The following RAB28 variants were observed in gnomAD, a reference collection of about 807,000 sequenced individuals.
RAB28 encodes RAB28, member RAS oncogene family.
Under a neutral mutation model 31.7 loss-of-function variants are expected in RAB28, and 24 were observed. The ratio of observed to expected loss-of-function variants is 0.76; its 90% CI spans 0.55 to 1.06. The LOEUF is 1.06. Ranked by LOEUF, RAB28 falls within the 50% of genes least tolerant of loss-of-function variation. The pLI is 0.00. For missense variants in RAB28, 254 were observed against 258.5 expected (o/e 0.98, Z 0.12); for synonymous variants, 100 against 90.4 (o/e 1.11, Z -0.60).
At chr4:13,405,763 A>C (rs1020704886) in intron 4 of RAB28, among the ~76,000 whole-genome samples, 3 of 152,198 alleles carry the variant, frequency 2.0e-5, no homozygotes, top group African/African-American at 4.8e-5. Context: ...TAAACATTAT[A>C]GCTTTTCATG....
intron 4 of RAB28, among the ~76,000 whole-genome samples, chr4:13,453,272 A>G (rs1080003): frequency 0.056 from 8,509 of 152,186 alleles, 539 homozygotes; most frequent in African/African-American, 0.16. Flanking sequence ...TAAATTCAAA[A>G]TTATTATTGA....
At chr4:13,414,249 C>T (rs1481130811) in intron 4 of RAB28, among the ~76,000 whole-genome samples, 3 of 152,154 alleles carry the variant, frequency 2.0e-5, no homozygotes, top group African/African-American at 7.2e-5. Context: ...ATGTTATTGA[C>T]ACATACTACC....
intron 1 of RAB28, among the ~76,000 whole-genome samples, chr4:13,483,416 G>T (rs1304501089): frequency 1.3e-5 from 2 of 152,206 alleles, no homozygotes; most frequent in Non-Finnish European, 2.9e-5. Flanking sequence ...TGCTGAGCTG[G>T]AAACAGAGGT....
chr4:13,427,699 G>A (rs1048270217), intron 4 of RAB28, among the ~76,000 whole-genome samples: 2 of 152,114 alleles, frequency 1.3e-5, no homozygotes, highest in East Asian at 3.9e-4. Flanking sequence ...ATAAGAACCA[G>A]GAAGCTGCAA....
At chr4:13,438,998 G>T (rs762505311) in intron 4 of RAB28, among the ~76,000 whole-genome samples, 2 of 151,992 alleles carry the variant, frequency 1.3e-5, no homozygotes, top group Non-Finnish European at 2.9e-5. Context: ...TTGTCTTATT[G>T]TGGTTTTCAC....
intron 4 of RAB28, among the ~76,000 whole-genome samples, chr4:13,415,430 G>A (rs946214019): frequency 2.0e-5 from 3 of 152,166 alleles, no homozygotes; most frequent in South Asian, 2.1e-4. Context: ...GGGGCTGCGC[G>A]GTGCTTGCAG....
At chr4:13,370,248 A>G in intron 6 of RAB28, 1 of 965,122 alleles carries the variant, frequency 1.0e-6, no homozygotes, top group East Asian at 1.1e-4. Flanking sequence ...AACTTCCCAA[A>G]TTGTAAGTTC....
chr4:13,373,886 C>A (rs955659460), intron 6 of RAB28, among the ~76,000 whole-genome samples: 6 of 151,964 alleles, frequency 3.9e-5, no homozygotes, highest in Non-Finnish European at 7.4e-5. Flanking sequence ...TGAATCCCCC[C>A]AGTAATCTTT....
intron 1 of RAB28, among the ~76,000 whole-genome samples, chr4:13,482,629 G>A (rs1418552376): frequency 6.6e-6 from 1 of 152,078 alleles, no homozygotes; most frequent in African/African-American, 2.4e-5. Context: ...TCATTCATTC[G>A]AAAAGTTTAC....
At chr4:13,440,863 A>T (rs957187471) in intron 4 of RAB28, among the ~76,000 whole-genome samples, 11 of 152,156 alleles carry the variant, frequency 7.2e-5, no homozygotes, top group African/African-American at 2.7e-4. Flanking sequence ...ATGCACAGAA[A>T]AAAAAACATG....
intron 1 of RAB28, among the ~76,000 whole-genome samples, chr4:13,483,765 T>A (rs1472167051): frequency 6.6e-6 from 1 of 152,090 alleles, no homozygotes; most frequent in African/African-American, 2.4e-5. Flanking sequence ...TAAGAGGAGC[T>A]AAGATGCCTT....
intron 4 of RAB28, among the ~76,000 whole-genome samples, chr4:13,440,854 T>C (rs1487313595): frequency 6.6e-6 from 1 of 151,178 alleles, no homozygotes; most frequent in African/African-American, 2.4e-5. Flanking sequence ...ACACGACACA[T>C]GCACAGAAAA....
At chr4:13,453,065 T>C (rs1481398406) in intron 4 of RAB28, among the ~76,000 whole-genome samples, 1 of 152,166 alleles carries the variant, frequency 6.6e-6, no homozygotes, top group Non-Finnish European at 1.5e-5. Context: ...TTGAAGTCTG[T>C]TTTGTCTGAT....
intron 4 of RAB28, among the ~76,000 whole-genome samples, chr4:13,427,120 G>T (rs1320389600): frequency 2.0e-5 from 3 of 152,076 alleles, no homozygotes; most frequent in South Asian, 2.1e-4. Flanking sequence ...CATTATTGAG[G>T]TTTTTCTCAT....
At chr4:13,376,040 G>A (rs1257548874) in intron 6 of RAB28, among the ~76,000 whole-genome samples, 3 of 152,004 alleles carry the variant, frequency 2.0e-5, no homozygotes, top group African/African-American at 7.2e-5. Flanking sequence ...GGAAATTATA[G>A]TGGTACTTTA....
At chr4:13,394,620 G>A (rs1729791019) in intron 4 of RAB28, among the ~76,000 whole-genome samples, 1 of 152,184 alleles carries the variant, frequency 6.6e-6, no homozygotes, top group African/African-American at 2.4e-5. Flanking sequence ...TTAAGTCATT[G>A]GGACAGGGAT....
intron 1 of RAB28, among the ~76,000 whole-genome samples, chr4:13,481,955 G>C (rs2108979569): frequency 6.6e-6 from 1 of 152,262 alleles, no homozygotes; most frequent in Admixed American, 6.5e-5. Context: ...CCAAGTATTT[G>C]AGAACTGAAT....
chr4:13,447,980 T>C (rs749957990), intron 4 of RAB28, among the ~76,000 whole-genome samples: 15 of 152,176 alleles, frequency 9.9e-5, no homozygotes, highest in Non-Finnish European at 1.6e-4. Context: ...GAGTCAAAGA[T>C]GCTTAGGTAT....
intron 4 of RAB28, among the ~76,000 whole-genome samples, chr4:13,394,273 G>C (rs9998670): frequency 6.6e-6 from 1 of 152,056 alleles, no homozygotes; most frequent in Non-Finnish European, 1.5e-5. Flanking sequence ...CCACAGATGG[G>C]GTAGTAGGGG....
Sources: gnomAD v4.1 joint callset for allele counts (sites outside exome capture counted in the v4.1 genomes callset) on GRCh38, gnomAD v4.1.1 for gene constraint, MANE v1.5 for transcripts, NCBI Gene and HGNC (gene_info 2026-07-23, HGNC 2026-07-21) for gene names.